Variants in MRPS6 observed in about 807,000 individuals in gnomAD.
MRPS6 encodes the protein mitochondrial ribosomal protein S6.
In MRPS6, 6 loss-of-function variants were observed where a neutral mutation model predicts 13.1. That is an observed-to-expected ratio of 0.46 (90% confidence interval 0.25 to 0.91). The LOEUF is 0.91. Among genes scored for constraint, MRPS6 ranks in the 40% least tolerant of loss-of-function variants. The probability of loss-of-function intolerance (pLI) is 0.18; values close to 1 mark genes in which losing one functional copy is unlikely to be tolerated. For missense variants in MRPS6, 164 were observed against 155.6 expected (o/e 1.05, Z -0.29); for synonymous variants, 61 against 56.5 (o/e 1.08, Z -0.36).
chr21:34,112,877 T>C (rs753464619), intron 1 of MRPS6, among the ~76,000 whole-genome samples: 4 of 152,030 alleles, frequency 2.6e-5, no homozygotes, highest in Non-Finnish European at 5.9e-5. Context: ...CTGAGGGTTT[T>C]GTGGGTGCGG....
chr21:34,141,174 T>C (rs113956348), intron 2 of MRPS6, among the ~76,000 whole-genome samples: 3,284 of 152,340 alleles, frequency 0.022, 126 homozygotes, highest in African/African-American at 0.074. Flanking sequence ...ACCTGCTCCG[T>C]GTTCGTCTCT....
intron 1 of MRPS6, among the ~76,000 whole-genome samples, chr21:34,088,291 T>TA (rs1323126940): frequency 6.6e-6 from 1 of 152,226 alleles, no homozygotes; most frequent in Non-Finnish European, 1.5e-5. Flanking sequence ...TTAACACTGA[T>TA]AAAAAGAATG....
rs553662649 is a variant in MRPS6 at position 34,073,781 on chromosome 21, C to T, written c.45+36C>T. The T allele has an allele frequency of 1.4e-4, 195 of 1,435,190 alleles. No individual in the cohort carries two copies. The South Asian group carries it at 2.2e-3, about 16-fold the overall frequency. The allele number at this position is 1,435,190 out of a possible 1,614,324, so 88.9% of individuals were successfully genotyped here. ...TTCCCTCAGAGCCGGTCTTCCCGCG[C>T]GGGCGCCCCCGCTGCCGCTAGGCCG... On this transcript the variant is annotated intron_variant, in intron 1 of 2. Coordinates refer to ENST00000399312, the MANE Select transcript of MRPS6 (RefSeq NM_032476.4).
chr21:34,102,163 A>G (rs1979267191), intron 1 of MRPS6: 1 of 1,000,090 alleles, frequency 1.0e-6, no homozygotes, highest in African/African-American at 1.7e-5. Context: ...TTGTTGGAAT[A>G]CTTTAGCTGT....
chr21:34,132,196 G>T (rs543424798), intron 2 of MRPS6, among the ~76,000 whole-genome samples: 42 of 152,300 alleles, frequency 2.8e-4, no homozygotes, highest in African/African-American at 9.6e-4. Flanking sequence ...TCGGGAGGGG[G>T]TTGGTAAGAG....
At chr21:34,089,310 G>A (rs1473637659) in intron 1 of MRPS6, among the ~76,000 whole-genome samples, 2 of 151,858 alleles carry the variant, frequency 1.3e-5, no homozygotes, top group Non-Finnish European at 2.9e-5. Context: ...GAGTCACCAC[G>A]CCCAGCCTGT....
intron 1 of MRPS6, chr21:34,102,399 T>G (rs1052149644): frequency 1.0e-6 from 1 of 999,960 alleles, no homozygotes; most frequent in African/African-American, 1.7e-5. Context: ...CATCTAAACT[T>G]CTTTATAAAA....
intron 1 of MRPS6, chr21:34,125,029 C>G (rs1465762605): frequency 8.9e-6 from 2 of 223,784 alleles, no homozygotes; most frequent in East Asian, 2.1e-4. Context: ...CTGATTCAGC[C>G]TGGCCGAGGT....
Position 34,118,557 on chromosome 21 carries a change from CT to C in MRPS6, c.46-6767del, listed in dbSNP as rs373895797. Among the ~76,000 whole-genome samples, 116 of 133,168 alleles carry C rather than the reference CT, an allele frequency of 8.7e-4. 1 individual carries two copies. The highest frequency in any genetic ancestry group is 2.9e-3 in the South Asian group (12 of 4,186). The allele number at this position is 133,168 out of a possible 152,430, so 87.4% of individuals were successfully genotyped here. ...TTACTCCACATTTCTTTCTTTCTTT[CT>C]TTTTTTTTTTTTTTTTGAGACAGAG... On this transcript the variant is annotated intron_variant, in intron 1 of 2. Coordinates refer to ENST00000399312, the MANE Select transcript of MRPS6 (RefSeq NM_032476.4).
chr21:34,118,341 G>GT (rs1050685326), intron 1 of MRPS6, among the ~76,000 whole-genome samples: 22 of 150,996 alleles, frequency 1.5e-4, no homozygotes, highest in African/African-American at 4.6e-4. Flanking sequence ...GAAAAAGCAA[G>GT]TTTTTTTTTC....
At chr21:34,076,677 G>A (rs1370825333) in intron 1 of MRPS6, among the ~76,000 whole-genome samples, 1 of 152,180 alleles carries the variant, frequency 6.6e-6, no homozygotes, top group Non-Finnish European at 1.5e-5. Flanking sequence ...GTTTTAGCGT[G>A]AAAAGTAGGT....
intron 1 of MRPS6, chr21:34,095,806 G>A (rs1978938649): frequency 1.2e-6 from 2 of 1,613,914 alleles, no homozygotes; most frequent in Non-Finnish European, 1.7e-6. Flanking sequence ...ATGATTATTA[G>A]CATAATGGAG....
intron 1 of MRPS6, among the ~76,000 whole-genome samples, chr21:34,090,924 C>G (rs75552148): frequency 0.012 from 1,753 of 152,316 alleles, 38 homozygotes; most frequent in South Asian, 0.081. Context: ...TCCCTTCTTA[C>G]AGAATCATGA....
chr21:34,100,872 A>G, intron 1 of MRPS6: 1 of 1,000,138 alleles, frequency 1.0e-6, no homozygotes, highest in Non-Finnish European at 1.2e-6. Flanking sequence ...GCGGCTTATT[A>G]GCTACTCAGT....
chr21:34,082,499 A>G (rs1180154358), intron 1 of MRPS6, among the ~76,000 whole-genome samples: 1 of 152,160 alleles, frequency 6.6e-6, no homozygotes, highest in Non-Finnish European at 1.5e-5. Context: ...TTGAAATACT[A>G]CTGGCATGCA....
At chr21:34,108,864 C>T (rs1979587238) in intron 1 of MRPS6, among the ~76,000 whole-genome samples, 1 of 152,164 alleles carries the variant, frequency 6.6e-6, no homozygotes, top group African/African-American at 2.4e-5. Context: ...TTTTCTTGGA[C>T]AGTACTGGCC....
chr21:34,074,333 A>G (rs918120141), intron 1 of MRPS6, among the ~76,000 whole-genome samples: 1 of 152,224 alleles, frequency 6.6e-6, no homozygotes, highest in Non-Finnish European at 1.5e-5. Flanking sequence ...TCATGTTAAA[A>G]AAAAATCTTT....
rs116853871 is a variant in MRPS6 at position 34,109,365 on chromosome 21, C to T, written c.46-15976C>T. 1.6e-3 allele frequency among the ~76,000 whole-genome samples: 242 copies of T among 152,184 alleles called. 3 individuals carry two copies. In the East Asian group the frequency reaches 0.039, roughly 25 times the overall value. ...TGGCTGTTTGTTGGGTTAAGTCCTG[C>T]GATATCTTTAGAATAAGTCAAGCTT... is the stretch of plus-strand genomic sequence containing the variant. On this transcript the variant is annotated intron_variant, in intron 1 of 2. Coordinates refer to ENST00000399312, the MANE Select transcript of MRPS6 (RefSeq NM_032476.4).
At chr21:34,101,652 G>A (rs911338475) in intron 1 of MRPS6, 2 of 1,000,098 alleles carry the variant, frequency 2.0e-6, no homozygotes, top group Non-Finnish European at 2.4e-6. Flanking sequence ...TGTCAGCTTA[G>A]TTCACTTTAA....
Sources: allele counts gnomAD v4.1 joint callset (sites outside exome capture counted in the v4.1 genomes callset), GRCh38; gene constraint gnomAD v4.1.1; transcripts MANE v1.5; gene names NCBI Gene and HGNC (gene_info 2026-07-23, HGNC 2026-07-21).